Variants in TBKBP1 observed in about 807,000 individuals in gnomAD.
TBKBP1 encodes the protein TBK1 binding protein 1.
In TBKBP1, 47 loss-of-function variants were observed where a neutral mutation model predicts 69.9. The observed-to-expected ratio is 0.67, with a 90% confidence interval of 0.53 to 0.86. The LOEUF is 0.86. Ranked by LOEUF, TBKBP1 falls within the 40% of genes least tolerant of loss-of-function variation. The pLI, the probability that TBKBP1 is intolerant of heterozygous loss-of-function variation, is 0.00. For missense variants in TBKBP1, 831 were observed against 858.6 expected (o/e 0.97, Z 0.40); for synonymous variants, 418 against 390.3 (o/e 1.07, Z -0.84).
intron 7 of TBKBP1, among the ~76,000 whole-genome samples, chr17:47,707,522 T>C (rs1453442473): frequency 6.6e-6 from 1 of 152,200 alleles, no homozygotes; most frequent in Non-Finnish European, 1.5e-5. Flanking sequence ...GTGGTGGGAA[T>C]ATAAATACAA....
chr17:47,707,757 G>A (rs117844835), intron 7 of TBKBP1, among the ~76,000 whole-genome samples: 6,865 of 152,300 alleles, frequency 0.045, 223 homozygotes, highest in Middle Eastern at 0.16. Flanking sequence ...GCCAGGTGCA[G>A]TGGACATGGA....
At chr17:47,695,027 G>A (rs1173225356) in intron 1 of TBKBP1, among the ~76,000 whole-genome samples, 1 of 151,552 alleles carries the variant, frequency 6.6e-6, no homozygotes, top group Non-Finnish European at 1.5e-5. Context: ...TAACGCTCCA[G>A]CGCGCGCACA....
Position 47,709,447 on chromosome 17 carries a change from A to C in TBKBP1, c.1714A>C (p.Ile572Leu). 1 of 1,525,724 alleles carries C rather than the reference A, an allele frequency of 6.6e-7. No homozygotes were observed. The highest frequency in any genetic ancestry group is 8.7e-7 in the Non-Finnish European group (1 of 1,144,494). 94.5% of individuals were successfully genotyped at this position (1,525,724 alleles called of 1,614,324 possible). A position where few individuals can be genotyped will look rare whatever the true frequency, so the allele number is the denominator to read the frequency against. ...CGAGCACGCGCAGTCCTGGCCGTCC[A>C]TCAACGTGAGTGGGGCGCCCGCGTT... ...HAEHAQSWPSINLLMETVGSD... is the reference protein window; with the variant it reads ...HAEHAQSWPSLNLLMETVGSD... Residue 572 changes from isoleucine (I) to leucine (L), a missense_variant, in exon 9 of 10, where the codon ATC becomes CTC. By Grantham distance (5) the Ile-to-Leu change is conservative. Coordinates refer to ENST00000578982, the MANE Select transcript of TBKBP1 (RefSeq NM_001394755.1).
intron 4 of TBKBP1, among the ~76,000 whole-genome samples, chr17:47,697,724 T>A (rs1322884705): frequency 6.6e-6 from 1 of 151,944 alleles, no homozygotes; most frequent in Non-Finnish European, 1.5e-5. Flanking sequence ...CTCAGCACTT[T>A]GGGAGGTTAA....
intron 7 of TBKBP1, among the ~76,000 whole-genome samples, chr17:47,699,990 T>C (rs902737516): frequency 1.4e-5 from 2 of 142,028 alleles, no homozygotes; most frequent in African/African-American, 5.1e-5. Flanking sequence ...GCCTAGCTAA[T>C]TTTTTTTTTT....
chr17:47,704,751 C>T (rs982991066), intron 7 of TBKBP1, among the ~76,000 whole-genome samples: 1 of 152,240 alleles, frequency 6.6e-6, no homozygotes, highest in African/African-American at 2.4e-5. Flanking sequence ...CCTAGTCTGA[C>T]CCTGGCTCCT....
intron 7 of TBKBP1, among the ~76,000 whole-genome samples, chr17:47,704,010 G>A (rs1368394144): frequency 2.0e-5 from 3 of 152,176 alleles, no homozygotes; most frequent in African/African-American, 4.8e-5. Flanking sequence ...AGGGGCAACC[G>A]TGTGATTTGT....
chr17:47,708,563 G>A lies in TBKBP1; in HGVS notation c.991+51G>A, dbSNP rs113397805. The A allele has an allele frequency of 1.4e-5, 22 of 1,587,812 alleles. No individual in the cohort carries two copies. In the African/African-American group the frequency reaches 1.5e-4, roughly 11 times the overall value. ...GCAGCCGCGGGACCCGGGAAGGAGC[G>A]GGTAGCCATGGCAACCATCTTGGTC... On this transcript the variant is annotated intron_variant, in intron 8 of 9. Transcript: ENST00000578982. This position sits in a 1 kb window ranked among gnomAD's most constrained non-coding sequence, Gnocchi z 4.4.
At chr17:47,710,375 TG>T in intron 9 of TBKBP1, 122 bp from the exon 10 acceptor site, 2 of 1,315,422 alleles carry the variant, frequency 1.5e-6, no homozygotes, top group African/African-American at 3.0e-5. Flanking sequence ...GAAGAAAGGG[TG>T]GCTGGACCCC....
At chr17:47,700,573 A>G (rs2031462008) in intron 7 of TBKBP1, among the ~76,000 whole-genome samples, 1 of 151,688 alleles carries the variant, frequency 6.6e-6, no homozygotes, top group African/African-American at 2.4e-5. Context: ...AGGCCCGGCC[A>G]GTTGGGTTCA....
intron 7 of TBKBP1, among the ~76,000 whole-genome samples, chr17:47,701,426 G>A (rs572686055): frequency 3.3e-5 from 5 of 151,988 alleles, no homozygotes; most frequent in Middle Eastern, 3.4e-3. Flanking sequence ...TGCCCCAGAA[G>A]TCATGATGTA....
intron 9 of TBKBP1, 69 bp downstream of exon 9, chr17:47,709,521 C>T (rs1409637462): frequency 7.0e-7 from 1 of 1,423,184 alleles, no homozygotes; most frequent in African/African-American, 1.5e-5. Flanking sequence ...GCGCCTCACC[C>T]TCCGTTGAGG....
At position 47,708,286 on chromosome 17, in the gene TBKBP1, G is replaced by C; in HGVS notation, c.873-108G>C. On this transcript the variant is annotated intron_variant, in intron 7 of 9. Coordinates refer to ENST00000578982, the MANE Select transcript of TBKBP1 (RefSeq NM_001394755.1). The surrounding 1 kb of genome is among the most constrained non-coding windows in gnomAD (Gnocchi z 4.4). ...TGGGGTAGGAGGGCCCTGCGGGTGG[G>C]AGGGAGCATGGTGGGGCCAGATGCT... 1 of 1,174,282 alleles carries C rather than the reference G, an allele frequency of 8.5e-7. No homozygotes were observed. The highest frequency in any genetic ancestry group is 1.4e-5 in the South Asian group (1 of 70,866). The allele number at this position is 1,174,282 out of a possible 1,614,324, so 72.7% of individuals were successfully genotyped here. A position where few individuals can be genotyped will look rare whatever the true frequency, so the allele number is the denominator to read the frequency against.
Position 47,708,903 on chromosome 17 carries a change from CT to C in TBKBP1, c.1171del (p.Cys391AlafsTer62). The part of the protein sequence containing the change: ...QQRRSPASPS[C>X]PSPVPQRRSP... ...AGCGCCGCTCTCCGGCCTCACCCTC[CT>C]GCCCGTCGCCCGTCCCGCAGCGCCG... On this transcript the variant is annotated frameshift_variant, in exon 9 of 10. Transcript: ENST00000578982. LOFTEE classifies it high-confidence loss of function. The surrounding 1 kb of genome is among the most constrained non-coding windows in gnomAD (Gnocchi z 4.4). 1 of 1,387,938 alleles carries C rather than the reference CT, an allele frequency of 7.2e-7. No homozygotes were observed. The allele number at this position is 1,387,938 out of a possible 1,614,324, so 86.0% of individuals were successfully genotyped here.
Position 47,696,241 on chromosome 17 carries a change from C to T in TBKBP1, c.129C>T (p.Ala43=), listed in dbSNP as rs544101614. The T allele has an allele frequency of 3.7e-6, 6 of 1,613,744 alleles. No individual in the cohort carries two copies. In the East Asian group the frequency reaches 1.1e-4, roughly 30 times the overall value. Residue 43 remains alanine (A), a synonymous_variant, in exon 2 of 10, where the codon GCC becomes GCT. Transcript: ENST00000578982. ...GGDMCSASHF[A]LITAYGDIKE... ...ACATGTGCTCCGCCTCCCACTTTGC[C>T]CTCATCACTGCTTACGGAGACATCA...
At position 47,709,060 on chromosome 17, in the gene TBKBP1, G is replaced by C; in HGVS notation, c.1327G>C (p.Ala443Pro). ...PPGERTLAER[A>P]YAKPPSHHVK... The stretch of plus-strand genomic sequence containing the variant: ...GGGCGAGAGGACGCTGGCCGAGCGC[G>C]CCTACGCCAAGCCGCCCAGCCACCA... The change falls in exon 9 of 10, where the codon GCC becomes CCC. Residue 443 changes from alanine (A) to proline (P), a missense_variant. Coordinates refer to ENST00000578982, the MANE Select transcript of TBKBP1 (RefSeq NM_001394755.1). The C allele has an allele frequency of 2.2e-6, 3 of 1,341,444 alleles. No individual in the cohort carries two copies. The highest frequency in any genetic ancestry group is 3.3e-5 in the South Asian group (2 of 59,872). The allele number at this position is 1,341,444 out of a possible 1,614,324, so 83.1% of individuals were successfully genotyped here. A position where few individuals can be genotyped will look rare whatever the true frequency, so the allele number is the denominator to read the frequency against.
Position 47,708,082 on chromosome 17 carries a change from C to T in TBKBP1, c.873-312C>T, listed in dbSNP as rs1355524991. ...ACCTGTATGAGCTGTGTTCAGACCACGGACAGTGCCTGATGCAGGGATTCA... is the reference window on the plus strand; with the variant it reads ...ACCTGTATGAGCTGTGTTCAGACCATGGACAGTGCCTGATGCAGGGATTCA... On this transcript the variant is annotated intron_variant, in intron 7 of 9. Transcript: ENST00000578982. This position sits in a 1 kb window ranked among gnomAD's most constrained non-coding sequence, Gnocchi z 4.4. Among the ~76,000 whole-genome samples the T allele has an allele frequency of 3.3e-5, 5 of 152,226 alleles. No homozygotes were observed. Among genetic ancestry groups the T allele is most frequent in the Admixed American group, 3.3e-4 (5 of 15,286 alleles).
intron 2 of TBKBP1, 122 bp downstream of exon 2, chr17:47,696,459 G>T (rs1481525708): frequency 1.6e-6 from 2 of 1,242,026 alleles, no homozygotes; most frequent in African/African-American, 1.5e-5. Flanking sequence ...GAACTTGAGG[G>T]TCTCCCATGA....
chr17:47,711,331 C>G lies in TBKBP1; in HGVS notation c.*705C>G, dbSNP rs538636026. 2.6e-5 allele frequency: 4 copies of G among 152,860 alleles called. No homozygotes were observed. Among genetic ancestry groups the G allele is most frequent in the Non-Finnish European group, 4.4e-5 (3 of 68,122 alleles). The allele number at this position is 152,860 out of a possible 1,614,324, so 9.5% of individuals were successfully genotyped here. A position where few individuals can be genotyped will look rare whatever the true frequency, so the allele number is the denominator to read the frequency against. ...AGAGGCTTCTCTGAGGGCCAGGGCCCTACAGCATGCCCCTACGGCCAGGGG... is the reference window on the plus strand; with the variant it reads ...AGAGGCTTCTCTGAGGGCCAGGGCCGTACAGCATGCCCCTACGGCCAGGGG... On this transcript the variant is annotated 3_prime_UTR_variant, in exon 10 of 10. Coordinates refer to ENST00000578982, the MANE Select transcript of TBKBP1 (RefSeq NM_001394755.1).
Sources: allele counts gnomAD v4.1 joint callset (sites outside exome capture counted in the v4.1 genomes callset), GRCh38; gene constraint gnomAD v4.1.1; non-coding constraint Gnocchi (gnomAD v3.1); transcripts MANE v1.5; gene names NCBI Gene and HGNC (gene_info 2026-07-23, HGNC 2026-07-21).